Variants in NPHP1 observed in about 807,000 individuals in gnomAD.
The protein encoded by NPHP1 is nephrocystin-1.
A neutral mutation model predicts 90.4 loss-of-function variants in NPHP1; 70 were observed. That is an observed-to-expected ratio of 0.77 (90% CI 0.64 to 0.95). NPHP1 has a LOEUF of 0.95. Among genes scored for constraint, NPHP1 ranks in the 40% least tolerant of loss-of-function variants. NPHP1 has a pLI of 0.00. For synonymous variants in NPHP1, 256 were observed against 271.7 expected (o/e 0.94, Z 0.57); for missense variants, 764 against 795.9 (o/e 0.96, Z 0.48).
chr2:110,181,845 G>C (rs1683926148), intron 2 of NPHP1, among the ~76,000 whole-genome samples: 1 of 152,114 alleles, frequency 6.6e-6, no homozygotes, highest in South Asian at 2.1e-4. Context: ...ACTTTGTTGA[G>C]TTAAAGGAGT....
intron 16 of NPHP1, among the ~76,000 whole-genome samples, chr2:110,132,590 G>A (rs1302116563): frequency 6.6e-6 from 1 of 152,156 alleles, no homozygotes; most frequent in African/African-American, 2.4e-5. Flanking sequence ...GGCGGTGGAT[G>A]TTGCCATGAG....
intron 16 of NPHP1, among the ~76,000 whole-genome samples, chr2:110,136,340 A>C (rs1680199089): frequency 6.6e-6 from 1 of 152,314 alleles, no homozygotes; most frequent in East Asian, 1.9e-4. Context: ...AGGCAGGAGA[A>C]GGAAATAAAG....
At chr2:110,143,439 TATA>T in intron 16 of NPHP1, 100 bp downstream of exon 16, 1 of 825,298 alleles carries the variant, frequency 1.2e-6, no homozygotes, top group South Asian at 1.4e-5. Flanking sequence ...ACAAAAATAT[TATA>T]ACAAAAGATG....
chr2:110,127,827 G>A (rs1679475085), intron 18 of NPHP1: 2 of 152,160 alleles, frequency 1.3e-5, no homozygotes, highest in Admixed American at 1.3e-4. Flanking sequence ...ACAAGGTGCA[G>A]ATTCCTGTTA....
rs1002832940 is a variant in NPHP1, at chr2:110,204,978, T to G, written c.-10A>C. ...GTCGTCTCGCCAGCATCTCCCTGGC[T>G]GCGGTGCTCTGATTGCTCCAGTTGC... On this transcript the variant is annotated 5_prime_UTR_variant, in exon 1 of 20. Coordinates refer to ENST00000445609, the MANE Select transcript of NPHP1 (RefSeq NM_001128178.3). 1.2e-6 allele frequency: 2 copies of G among 1,613,770 alleles called. No homozygotes were observed. The highest frequency in any genetic ancestry group is 1.7e-5 in the Admixed American group (1 of 60,022).
chr2:110,165,791 A>G (rs1023481449), intron 6 of NPHP1, among the ~76,000 whole-genome samples: 12 of 152,124 alleles, frequency 7.9e-5, no homozygotes, highest in Admixed American at 2.6e-4. Flanking sequence ...TTAGAAAAAA[A>G]TATCCAAAAG....
chr2:110,143,688 G>C, intron 15 of NPHP1, 47 bp from the exon 16 acceptor site: 1 of 1,244,960 alleles, frequency 8.0e-7, no homozygotes, highest in Non-Finnish European at 1.2e-6. Context: ...AAGTACTTGA[G>C]ACAGTGAGTA....
intron 6 of NPHP1, 48 bp downstream of exon 6, chr2:110,168,404 C>CA (rs576045152): frequency 0.017 from 18,565 of 1,067,172 alleles, 64 homozygotes; most frequent in South Asian, 0.042. Context: ...TTATTAAAAG[C>CA]GAAAAAAAAA....
At position 110,146,745 on chromosome 2, in the gene NPHP1, C is replaced by T. The variant is rs549060966; in HGVS notation, c.1352+8G>A. 7 of 1,599,566 alleles carry T rather than the reference C, an allele frequency of 4.4e-6. 1 individual carries two copies. The South Asian group carries it at 7.7e-5, about 18-fold the overall frequency. On this transcript the variant is annotated splice_region_variant and intron_variant, in intron 14 of 19. Coordinates refer to ENST00000445609, the MANE Select transcript of NPHP1 (RefSeq NM_001128178.3). The stretch of plus-strand genomic sequence containing the variant: ...TATTCATTCGTTAGGAATATATAGC[C>T]AACTTACTTTGCTGGAATAGGAACT...
chr2:110,137,160 T>C (rs1445833535), intron 16 of NPHP1, among the ~76,000 whole-genome samples: 2 of 152,162 alleles, frequency 1.3e-5, no homozygotes, highest in East Asian at 1.9e-4. Context: ...TTACACCTTA[T>C]ACAAAAATTA....
chr2:110,163,374 A>C (rs1682487805), intron 8 of NPHP1: 1 of 516,068 alleles, frequency 1.9e-6, no homozygotes, highest in Non-Finnish European at 3.5e-6. Flanking sequence ...GTTCCGGAGC[A>C]GCTGCTTCAA....
At position 110,201,488 on chromosome 2, in the gene NPHP1, T is replaced by C; in HGVS notation, c.76A>G (p.Ser26Gly). The change falls in exon 2 of 20, where the codon AGT becomes GGT. Residue 26 changes from serine (S) to glycine (G), a missense_variant. Physicochemically the swap from Ser to Gly is moderately conservative, Grantham distance 56. Transcript: ENST00000445609. Reference sequence around the variant, plus strand: ...TTCAGTTGGCTCTCAGAAAGCAAACTATCAACCTATGGAGACCATTTAAAA... The same window carrying C: ...TTCAGTTGGCTCTCAGAAAGCAAACCATCAACCTATGGAGACCATTTAAAA... ...RNQELKQQVD[S>G]LLSESQLKEA... 1 of 1,606,788 alleles carries C rather than the reference T, an allele frequency of 6.2e-7. No individual in the cohort carries two copies. Among genetic ancestry groups the C allele is most frequent in the Non-Finnish European group, 8.5e-7 (1 of 1,174,654 alleles).
At chr2:110,142,655 A>G (rs753489903) in intron 16 of NPHP1, among the ~76,000 whole-genome samples, 1 of 152,054 alleles carries the variant, frequency 6.6e-6, no homozygotes, top group Non-Finnish European at 1.5e-5. Context: ...CCCAGCCTAC[A>G]ACTAGTCTAC....
chr2:110,172,932 CAT>C (rs1333952983), intron 4 of NPHP1, among the ~76,000 whole-genome samples: 1 of 151,474 alleles, frequency 6.6e-6, no homozygotes, highest in East Asian at 1.9e-4. Context: ...AATTTGCAAA[CAT>C]GTAGTAATTT....
At chr2:110,163,478 A>G in intron 8 of NPHP1, 1 of 312,922 alleles carries the variant, frequency 3.2e-6, no homozygotes, top group Non-Finnish European at 6.2e-6. Context: ...AATCACATGC[A>G]CTGAAGAATT....
intron 2 of NPHP1, among the ~76,000 whole-genome samples, chr2:110,183,682 T>C (rs1213418960): frequency 6.6e-6 from 1 of 152,124 alleles, no homozygotes; most frequent in Non-Finnish European, 1.5e-5. Flanking sequence ...TCAAAGTGAC[T>C]TGGACTCCCA....
chr2:110,191,469 A>T lies in NPHP1; in HGVS notation c.143+9952T>A, dbSNP rs149074505. 1.5e-3 allele frequency among the ~76,000 whole-genome samples: 223 copies of T among 151,552 alleles called. 2 individuals are homozygous for T. The highest frequency in any genetic ancestry group is 5.2e-3 in the African/African-American group (215 of 41,494). The stretch of plus-strand genomic sequence containing the variant: ...CAAGGCAGCAGCGAGGCTGTTTGTT[A>T]GCCATTGCCGAGGCTTGAGTAGGTA... On this transcript the variant is annotated intron_variant, in intron 2 of 19. Transcript: ENST00000445609.
intron 19 of NPHP1, 26 bp downstream of exon 19, chr2:110,125,611 G>T: frequency 6.3e-7 from 1 of 1,593,714 alleles, no homozygotes. Context: ...CAAATATGGA[G>T]TTCAGTGTGG....
intron 3 of NPHP1, 90 bp from the exon 4 acceptor site, chr2:110,178,637 A>G: frequency 8.4e-7 from 1 of 1,186,694 alleles, no homozygotes; most frequent in African/African-American, 1.5e-5. Flanking sequence ...TAAGTGCTAT[A>G]TAACAAAGTA....
Sources: gnomAD v4.1 joint callset for allele counts (sites outside exome capture counted in the v4.1 genomes callset) on GRCh38, gnomAD v4.1.1 for gene constraint, MANE v1.5 for transcripts, NCBI Gene and HGNC (gene_info 2026-07-23, HGNC 2026-07-21) for gene names.